The following BZW1 variants were observed in gnomAD, a reference collection of about 807,000 sequenced individuals.
BZW1 encodes the protein eIF5-mimic protein 2.
A neutral mutation model predicts 54.1 loss-of-function variants in BZW1; 3 were observed. The observed-to-expected ratio is 0.06, with a 90% CI of 0.03 to 0.14. The LOEUF is 0.14. BZW1 is among the 10% of genes least tolerant of loss of function. The pLI is 1.00. For missense variants in BZW1, 206 were observed against 491.7 expected (o/e 0.42, Z 5.50); for synonymous variants, 152 against 162.7 (o/e 0.93, Z 0.50).
At position 200,815,901 on chromosome 2, in the gene BZW1, A is replaced by C. The variant is rs1041624169; in HGVS notation, c.336+140A>C. 3.7e-6 allele frequency: 3 copies of C among 818,888 alleles called. No homozygotes were observed. The African/African-American group carries it at 5.3e-5, about 14-fold the overall frequency. The allele number at this position is 818,888 out of a possible 1,614,324, so 50.7% of individuals were successfully genotyped here. The stretch of plus-strand genomic sequence containing the variant: ...TTTTAGGGATACTGTTCTTGGTGCA[A>C]CGGGATGAATTAGAAACTTAAGGTG... On this transcript the variant is annotated intron_variant, in intron 4 of 11. Transcript: ENST00000409600.
At chr2:200,816,837 A>G (rs182369118) in intron 5 of BZW1, among the ~76,000 whole-genome samples, 12 of 152,224 alleles carry the variant, frequency 7.9e-5, no homozygotes. Context: ...ATCAAGCACC[A>G]GGCACTGTTC....
Position 200,826,940 on chromosome 2 carries a change from CT to C in BZW1, c.*4774del, listed in dbSNP as rs375324310. On this transcript the variant is annotated 3_prime_UTR_variant, in exon 12 of 12. Coordinates refer to ENST00000409600, the MANE Select transcript of BZW1 (RefSeq NM_001207067.2). Reference sequence around the variant, plus strand: ...TCTTAAGGACAAAAATAGTTTACAGCTTTTTTTTTTTTAATCTGAAATCCTG... The same window carrying C: ...TCTTAAGGACAAAAATAGTTTACAGCTTTTTTTTTTTAATCTGAAATCCTG... The C allele has an allele frequency of 0.018, 2,647 of 144,438 alleles. 73 individuals carry two copies. Among genetic ancestry groups the C allele is most frequent in the African/African-American group, 0.057 (2,266 of 39,978 alleles). 8.9% of individuals were successfully genotyped at this position (144,438 alleles called of 1,614,324 possible). A position where few individuals can be genotyped will look rare whatever the true frequency, so the allele number is the denominator to read the frequency against.
chr2:200,812,795 GT>G (rs1350375442), intron 1 of BZW1: 2 of 695,628 alleles, frequency 2.9e-6, no homozygotes. Context: ...TTTTGACAGT[GT>G]TTTAGAATTG....
At position 200,812,658 on chromosome 2, in the gene BZW1, G is replaced by A. The variant is rs1042956469; in HGVS notation, c.-10-550G>A. The A allele has an allele frequency of 1.1e-5, 13 of 1,181,230 alleles. No homozygotes were observed. In the Admixed American group the frequency reaches 3.2e-4, roughly 29 times the overall value. 73.2% of individuals were successfully genotyped at this position (1,181,230 alleles called of 1,614,324 possible). On this transcript the variant is annotated intron_variant, in intron 1 of 11. Coordinates refer to ENST00000409600, the MANE Select transcript of BZW1 (RefSeq NM_001207067.2). ...CTAGGACTGTGGGATATGGGCGAAG[G>A]AGGCTGGGCTGGCTGTTAGTTTTGC...
chr2:200,815,392 GCTTAA>G lies in BZW1; in HGVS notation c.119_123del (p.Leu40Ter). The G allele has an allele frequency of 6.2e-7, 1 of 1,613,926 alleles. No individual in the cohort carries two copies. Among genetic ancestry groups the G allele is most frequent in the Non-Finnish European group, 8.5e-7 (1 of 1,179,880 alleles). On this transcript the variant is annotated frameshift_variant, in exon 3 of 12. Transcript: ENST00000409600. LOFTEE classifies it high-confidence loss of function. ...CAGTTTCAAGACTGTATTATTCAAG[GCTTAA>G]CTGAAACCGGTACTGATTTGGAAGC...
Position 200,815,780 on chromosome 2 carries a change from A to T in BZW1, c.336+19A>T. 1 of 1,518,206 alleles carries T rather than the reference A, an allele frequency of 6.6e-7. No homozygotes were observed. Among genetic ancestry groups the T allele is most frequent in the Non-Finnish European group, 8.8e-7 (1 of 1,131,854 alleles). 94.0% of individuals were successfully genotyped at this position (1,518,206 alleles called of 1,614,324 possible). A position where few individuals can be genotyped will look rare whatever the true frequency, so the allele number is the denominator to read the frequency against. On this transcript the variant is annotated intron_variant, in intron 4 of 11. Transcript: ENST00000409600. ...TGCTCAGGTAAATGAAACTTTACATAATTGTTTTCAGTTGGCTACTATCCA... is the reference window on the plus strand; with the variant it reads ...TGCTCAGGTAAATGAAACTTTACATTATTGTTTTCAGTTGGCTACTATCCA...
At chr2:200,816,734 G>T (rs1051440341) in intron 5 of BZW1, among the ~76,000 whole-genome samples, 1 of 152,144 alleles carries the variant, frequency 6.6e-6, no homozygotes, top group Non-Finnish European at 1.5e-5. Flanking sequence ...CAAGTGATCT[G>T]CCCTCGGCCT....
At chr2:200,813,336 C>G in intron 2 of BZW1, 55 bp downstream of exon 2, 1 of 1,474,410 alleles carries the variant, frequency 6.8e-7, no homozygotes, top group Non-Finnish European at 9.4e-7. Context: ...TCTTGTGTAT[C>G]TTGCCTTCTC....
intron 1 of BZW1, chr2:200,812,962 T>C: frequency 1.5e-6 from 1 of 680,306 alleles, no homozygotes; most frequent in South Asian, 1.5e-5. Context: ...AGCACTACAA[T>C]GTCGCTTAAA....
chr2:200,815,633 G>A, intron 3 of BZW1, 34 bp from the exon 4 acceptor site: 1 of 1,582,438 alleles, frequency 6.3e-7, no homozygotes, highest in South Asian at 1.1e-5. Context: ...TGATTTTTTT[G>A]GTTTTGTTGT....
intron 11 of BZW1, 128 bp from the exon 12 acceptor site, chr2:200,822,019 A>G: frequency 1.2e-6 from 1 of 824,648 alleles, no homozygotes; most frequent in South Asian, 1.5e-5. Flanking sequence ...CAGTGAGCCA[A>G]GAGGGTGCTG....
rs2038401501 is a variant in BZW1 at position 200,818,975 on chromosome 2, T to C, written c.966+74T>C. ...TGATAAGTGAACTGTGACTATATTT[T>C]TCTAAGAGGATTTATCACATCCTGT... On this transcript the variant is annotated intron_variant, in intron 9 of 11. Transcript: ENST00000409600. The C allele has an allele frequency of 2.7e-6, 4 of 1,459,254 alleles. No individual in the cohort carries two copies. In the African/African-American group the frequency reaches 4.4e-5, roughly 16 times the overall value. The allele number at this position is 1,459,254 out of a possible 1,614,324, so 90.4% of individuals were successfully genotyped here. A position where few individuals can be genotyped will look rare whatever the true frequency, so the allele number is the denominator to read the frequency against.
rs912306342 is a variant in BZW1 at position 200,812,405 on chromosome 2, C to G, written c.-11+415C>G. ...GCCGCTGCTTTCGCTGGAGGGCGGG[C>G]GGATGTACGGGGCGCCTGGGGCCCC... On this transcript the variant is annotated intron_variant, in intron 1 of 11. Transcript: ENST00000409600. 17 of 1,278,394 alleles carry G rather than the reference C, an allele frequency of 1.3e-5. No individual in the cohort carries two copies. The African/African-American group carries it at 2.5e-4, about 19-fold the overall frequency. 79.2% of individuals were successfully genotyped at this position (1,278,394 alleles called of 1,614,324 possible).
In BZW1 at chr2:200,826,405, ATATTT is replaced by A. The variant is rs2038698392; in HGVS notation, c.*4229_*4233del. ...GATAGATAGATAGATAGATAGATAG[ATATTT>A]TTTTTTTTTTTTTTTTTTTTTTTTT... On this transcript the variant is annotated 3_prime_UTR_variant, in exon 12 of 12. Transcript: ENST00000409600. The A allele has an allele frequency of 3.5e-4, 17 of 48,670 alleles. No homozygotes were observed. Among genetic ancestry groups the A allele is most frequent in the African/African-American group, 1.4e-3 (16 of 11,626 alleles). The allele number at this position is 48,670 out of a possible 1,614,324, so 3.0% of individuals were successfully genotyped here. A position where few individuals can be genotyped will look rare whatever the true frequency, so the allele number is the denominator to read the frequency against.
chr2:200,817,017 T>C (rs2038320174), intron 5 of BZW1, 89 bp from the exon 6 acceptor site: 3 of 1,461,382 alleles, frequency 2.1e-6, no homozygotes, highest in Non-Finnish European at 2.8e-6. Context: ...GCCCACGTAT[T>C]GAACAGGTAG....
chr2:200,819,276 A>T (rs142397863), intron 9 of BZW1, among the ~76,000 whole-genome samples: 1 of 152,058 alleles, frequency 6.6e-6, no homozygotes, highest in South Asian at 2.1e-4. Flanking sequence ...TGTAGTCCCA[A>T]CTACTCAGGA....
chr2:200,815,481 A>G lies in BZW1; in HGVS notation c.205A>G (p.Thr69Ala). ...AKLDYRRYAE[T>A]LFDILVAGGM... Reference sequence around the variant, plus strand: ...ACTTGATTACCGTCGATATGCAGAAACACTCTTTGACATTCTGGTGGCTGG... The same window carrying G: ...ACTTGATTACCGTCGATATGCAGAAGCACTCTTTGACATTCTGGTGGCTGG... Residue 69 changes from threonine (T) to alanine (A), a missense_variant, in exon 3 of 12, where the codon ACA becomes GCA. Thr to Ala is a moderately conservative substitution (Grantham distance 58). Around this residue, in one of 5 missense-constraint regions of BZW1, gnomAD observed 81 missense variants for 257.1 expected, o/e 0.32. Transcript: ENST00000409600. 1.9e-6 allele frequency: 3 copies of G among 1,613,928 alleles called. No homozygotes were observed. Among genetic ancestry groups the G allele is most frequent in the Non-Finnish European group, 2.5e-6 (3 of 1,179,870 alleles).
chr2:200,816,456 TA>T, intron 5 of BZW1, 66 bp downstream of exon 5: 1 of 1,181,896 alleles, frequency 8.5e-7, no homozygotes. Context: ...TGTTAAATCC[TA>T]ATTCCGCCAC....
At chr2:200,819,934 T>C (rs1418849448) in intron 9 of BZW1, 48 bp from the exon 10 acceptor site, 2 of 1,436,202 alleles carry the variant, frequency 1.4e-6, no homozygotes, top group Non-Finnish European at 9.2e-7. Context: ...TTGTAATGGA[T>C]GGTTATTTGT....
Sources: gnomAD v4.1 joint callset for allele counts (sites outside exome capture counted in the v4.1 genomes callset) on GRCh38, gnomAD v4.1.1 for gene constraint, gnomAD v4.1.1 regional missense constraint, MANE v1.5 for transcripts, NCBI Gene and HGNC (gene_info 2026-07-23, HGNC 2026-07-21) for gene names.